Variants in NPAS3 observed in about 807,000 individuals in gnomAD.
The protein encoded by NPAS3 is neuronal PAS domain protein 3, also known as neuronal PAS domain-containing protein 3.
In NPAS3, 14 loss-of-function variants were observed where a neutral mutation model predicts 73.1. The ratio of observed to expected loss-of-function variants is 0.19; its 90% CI spans 0.13 to 0.30. The LOEUF (loss-of-function observed/expected upper bound fraction) is 0.30. Among genes scored for constraint, NPAS3 ranks in the 10% least tolerant of loss-of-function variants. The probability of loss-of-function intolerance (pLI) is 1.00; values close to 1 mark genes in which losing one functional copy is unlikely to be tolerated. For missense variants in NPAS3, 1,096 were observed against 1,250.0 expected (o/e 0.88, Z 1.86); for synonymous variants, 620 against 541.5 (o/e 1.14, Z -2.01).
chr14:33,136,057 T>C (rs1220903729), intron 2 of NPAS3, among the ~76,000 whole-genome samples: 1 of 138,598 alleles, frequency 7.2e-6, no homozygotes, highest in Non-Finnish European at 1.5e-5. Flanking sequence ...CTACCTTTTT[T>C]CTTTTTTTTT....
chr14:33,328,923 T>G (rs2043848096), intron 3 of NPAS3, among the ~76,000 whole-genome samples: 1 of 152,182 alleles, frequency 6.6e-6, no homozygotes, highest in Non-Finnish European at 1.5e-5. Context: ...CTCTCAGAAT[T>G]GTTTGAGATA....
intron 3 of NPAS3, among the ~76,000 whole-genome samples, chr14:33,303,378 T>A (rs2042630133): frequency 6.6e-6 from 1 of 152,104 alleles, no homozygotes; most frequent in Admixed American, 6.5e-5. Flanking sequence ...TTGAAAATAC[T>A]AATATCAATT....
At chr14:33,247,900 A>G (rs931432658) in intron 3 of NPAS3, among the ~76,000 whole-genome samples, 21 of 152,210 alleles carry the variant, frequency 1.4e-4, no homozygotes, top group Admixed American at 1.2e-3. Context: ...ATAGACCTGG[A>G]AAGACAAGCA....
At chr14:33,616,625 CT>C (rs1289844061) in intron 5 of NPAS3, among the ~76,000 whole-genome samples, 1 of 152,100 alleles carries the variant, frequency 6.6e-6, no homozygotes, top group African/African-American at 2.4e-5. Flanking sequence ...TGATCCTGTG[CT>C]TTTTGTTGGA....
chr14:33,641,042 C>T (rs1343706207), intron 5 of NPAS3, among the ~76,000 whole-genome samples: 1 of 152,082 alleles, frequency 6.6e-6, no homozygotes, highest in African/African-American at 2.4e-5. Context: ...CTTCTGTATA[C>T]TTTATTGTAG....
At chr14:33,010,953 A>AAC in intron 1 of NPAS3, among the ~76,000 whole-genome samples, 1 of 94,490 alleles carries the variant, frequency 1.1e-5, no homozygotes, top group East Asian at 3.2e-4. Context: ...AAAAAAAAAA[A>AAC]AAGAAAAGAA....
At position 33,800,360 on chromosome 14, in the gene NPAS3, C is replaced by A. The variant is rs764818362; in HGVS notation, c.2053C>A (p.Pro685Thr). The A allele has an allele frequency of 2.5e-6, 4 of 1,611,526 alleles. No individual in the cohort carries two copies. The highest frequency in any genetic ancestry group is 1.6e-4 in the Middle Eastern group (1 of 6,068). The change falls in exon 12 of 12, where the codon CCC becomes ACC. Residue 685 changes from proline to threonine, a missense_variant. By Grantham distance (38) the Pro-to-Thr change is conservative (BLOSUM62 -1). Transcript: ENST00000356141. This position sits in a 1 kb window ranked among gnomAD's most constrained non-coding sequence, Gnocchi z 6.5. ...CGAGTCCCCCTACAGCATGACCAAG[C>A]CCCCCAGCTCTGAGCACTTCCCGTC...
chr14:33,159,105 T>C (rs936108304), intron 2 of NPAS3, among the ~76,000 whole-genome samples: 2 of 152,044 alleles, frequency 1.3e-5, no homozygotes, highest in Non-Finnish European at 2.9e-5. Flanking sequence ...GAAATTGCAA[T>C]GAGCCTAGAT....
intron 3 of NPAS3, among the ~76,000 whole-genome samples, chr14:33,260,384 T>C (rs1594535381): frequency 6.6e-6 from 1 of 152,230 alleles, no homozygotes; most frequent in East Asian, 1.9e-4. Context: ...ACAGTTCACT[T>C]TCGCTCCTGT....
At chr14:32,961,426 G>GA (rs952294498) in intron 1 of NPAS3, among the ~76,000 whole-genome samples, 11 of 142,882 alleles carry the variant, frequency 7.7e-5, no homozygotes, top group South Asian at 2.3e-4. Flanking sequence ...AAAAAAAAAA[G>GA]AAAAAAAAAA....
intron 4 of NPAS3, among the ~76,000 whole-genome samples, chr14:33,385,862 C>G (rs1464772634): frequency 6.6e-6 from 1 of 152,202 alleles, no homozygotes; most frequent in Non-Finnish European, 1.5e-5. Context: ...ATGTCTGGGT[C>G]TTTCTGCTAA....
chr14:33,287,420 G>A (rs905156429), intron 3 of NPAS3, among the ~76,000 whole-genome samples: 1 of 151,880 alleles, frequency 6.6e-6, no homozygotes, highest in African/African-American at 2.4e-5. Flanking sequence ...GGAAGGTGGG[G>A]GTGTGAGCAA....
At chr14:33,460,925 C>CT (rs1333300829) in intron 4 of NPAS3, among the ~76,000 whole-genome samples, 1 of 152,130 alleles carries the variant, frequency 6.6e-6, no homozygotes, top group Non-Finnish European at 1.5e-5. Context: ...TGGCCTACAA[C>CT]TTTTTTAAAA....
chr14:33,181,710 T>C (rs2045805083), intron 2 of NPAS3, among the ~76,000 whole-genome samples: 2 of 152,190 alleles, frequency 1.3e-5, no homozygotes. Context: ...TAAAATGTGA[T>C]TAGTAATTCA....
At chr14:33,548,580 C>A (rs2054957885) in intron 4 of NPAS3, among the ~76,000 whole-genome samples, 1 of 152,190 alleles carries the variant, frequency 6.6e-6, no homozygotes, top group Non-Finnish European at 1.5e-5. Context: ...GGCTGTTATA[C>A]AACTTCAGTA....
intron 3 of NPAS3, among the ~76,000 whole-genome samples, chr14:33,332,911 T>C (rs4982069): frequency 0.13 from 20,316 of 152,252 alleles, 1,463 homozygotes; most frequent in African/African-American, 0.17. Flanking sequence ...TTTCATTGCT[T>C]TCCCTAACAA....
At chr14:33,643,764 TTTTGTCCTTCCAAG>T (rs1237104588) in intron 5 of NPAS3, among the ~76,000 whole-genome samples, 2 of 152,184 alleles carry the variant, frequency 1.3e-5, no homozygotes, top group African/African-American at 4.8e-5. Context: ...ATTCTACCCT[TTTTGTCCTTCCAAG>T]TTAATTGTTA....
chr14:33,417,115 T>A (rs918664871), intron 4 of NPAS3, among the ~76,000 whole-genome samples: 10 of 152,022 alleles, frequency 6.6e-5, no homozygotes, highest in African/African-American at 2.2e-4. Context: ...GCAGCCTAAT[T>A]GATAGATATG....
chr14:33,095,659 T>TG (rs1472754603), intron 2 of NPAS3, among the ~76,000 whole-genome samples: 1 of 52,214 alleles, frequency 1.9e-5, no homozygotes, highest in Non-Finnish European at 5.1e-5. Context: ...ATTCTCTGCT[T>TG]TTATTTTTTT....
Sources: gnomAD v4.1 joint callset for allele counts (sites outside exome capture counted in the v4.1 genomes callset) on GRCh38, gnomAD v4.1.1 for gene constraint, Gnocchi (gnomAD v3.1) non-coding constraint, MANE v1.5 for transcripts, NCBI Gene and HGNC (gene_info 2026-07-23, HGNC 2026-07-21) for gene names.